Variants in SRPX observed in about 807,000 individuals in gnomAD.
SRPX encodes sushi repeat-containing protein SRPX.
In SRPX, 24 loss-of-function variants were observed where a neutral mutation model predicts 38.1. The ratio of observed to expected loss-of-function variants is 0.63; its 90% CI spans 0.46 to 0.89. The LOEUF (loss-of-function observed/expected upper bound fraction) is 0.89. SRPX is among the 40% of genes least tolerant of loss of function. SRPX has a pLI of 0.00. For synonymous variants in SRPX, 184 were observed against 153.8 expected (o/e 1.20, Z -1.45); for missense variants, 416 against 377.8 (o/e 1.10, Z -0.84).
intron 1 of SRPX, among the ~76,000 whole-genome samples, chrX:38,220,167 A>AG (rs1039848106): frequency 2.6e-5 from 3 of 113,330 alleles, no homozygotes; most frequent in Non-Finnish European, 5.6e-5. Flanking sequence ...AATCCCCAGC[A>AG]GGGGGGGTTA....
At chrX:38,154,979 A>C (rs761771674) in intron 8 of SRPX, among the ~76,000 whole-genome samples, 1 of 109,818 alleles carries the variant, frequency 9.1e-6, no homozygotes, top group Non-Finnish European at 1.9e-5. Flanking sequence ...CACTCTCCAC[A>C]CTCCCCTGCC....
chrX:38,196,893 G>A (rs189668892), intron 1 of SRPX, among the ~76,000 whole-genome samples: 99 of 111,784 alleles, frequency 8.9e-4, no homozygotes, highest in African/African-American at 3.1e-3. Flanking sequence ...AAGAGCTGGC[G>A]GGGTGTTACA....
At chrX:38,207,773 G>A (rs780249665) in intron 1 of SRPX, among the ~76,000 whole-genome samples, 1 of 112,111 alleles carries the variant, frequency 8.9e-6, no homozygotes, top group South Asian at 3.8e-4. Context: ...TGGCAAAGGA[G>A]ATGATTCCAC....
intron 1 of SRPX, among the ~76,000 whole-genome samples, chrX:38,211,967 A>G (rs949288904): frequency 3.6e-5 from 4 of 111,923 alleles, no homozygotes; most frequent in Non-Finnish European, 7.5e-5. Flanking sequence ...TATGAAGATA[A>G]GAAGTCCCTG....
In SRPX at chrX:38,179,510, C is replaced by T. The variant is rs143889186; in HGVS notation, c.98-1166G>A. Reference sequence around the variant, plus strand: ...ACTCGAGTTAGCTCTGTCTTGGTCACGCATTTAGTTGTAGTTACTTGCCAC... The same window carrying T: ...ACTCGAGTTAGCTCTGTCTTGGTCATGCATTTAGTTGTAGTTACTTGCCAC... On this transcript the variant is annotated intron_variant, in intron 1 of 9. Coordinates refer to ENST00000378533, the MANE Select transcript of SRPX (RefSeq NM_006307.5). Among the ~76,000 whole-genome samples the T allele has an allele frequency of 5.7e-3, 636 of 111,824 alleles. 5 individuals carry two copies. Among genetic ancestry groups the T allele is most frequent in the African/African-American group, 0.02 (605 of 30,729 alleles).
intron 5 of SRPX, 141 bp from the exon 6 acceptor site, chrX:38,161,195 G>T: frequency 3.1e-6 from 2 of 651,492 alleles, no homozygotes; most frequent in Non-Finnish European, 4.3e-6. Context: ...ATTTCTTGAA[G>T]AATAGAATCT....
chrX:38,157,080 T>C (rs1938148340), intron 7 of SRPX, 51 bp from the exon 8 acceptor site: 27 of 1,182,549 alleles, frequency 2.3e-5, no homozygotes, highest in Non-Finnish European at 3.1e-5. Context: ...TTGTTCTGGC[T>C]CAACAGAGCC....
chrX:38,166,204 A>C (rs1938361470), intron 4 of SRPX, among the ~76,000 whole-genome samples: 1 of 112,542 alleles, frequency 8.9e-6, no homozygotes, highest in Non-Finnish European at 1.9e-5. Context: ...GACTAAATGC[A>C]CCAAGTAAAA....
chrX:38,210,710 C>A (rs2147127949), intron 1 of SRPX, among the ~76,000 whole-genome samples: 1 of 112,476 alleles, frequency 8.9e-6, no homozygotes, highest in East Asian at 2.8e-4. Flanking sequence ...CAGGAGGCTA[C>A]CAAGCCTCAA....
At chrX:38,199,748 GAAA>G (rs146463626) in intron 1 of SRPX, among the ~76,000 whole-genome samples, 1 of 99,572 alleles carries the variant, frequency 1.0e-5, no homozygotes. Flanking sequence ...AGAGTGGCTG[GAAA>G]AAAAAAAAAA....
chrX:38,219,125 C>T (rs765708337), intron 1 of SRPX, among the ~76,000 whole-genome samples: 1 of 110,728 alleles, frequency 9.0e-6, no homozygotes, highest in African/African-American at 3.3e-5. Flanking sequence ...GATTCTGTGG[C>T]TGGGCCCTGG....
At position 38,160,204 on chromosome X, in the gene SRPX, G is replaced by A. The variant is rs765799076; in HGVS notation, c.776-8C>T. On this transcript the variant is annotated splice_region_variant and splice_polypyrimidine_tract_variant and intron_variant, in intron 6 of 9. Coordinates refer to ENST00000378533, the MANE Select transcript of SRPX (RefSeq NM_006307.5). ...GTTTGCCACAGCGTTTGACTGTAGG[G>A]ACACAAGTCCAGAGGGGTCTCAGTG... 1.3e-5 allele frequency: 16 copies of A among 1,208,028 alleles called. No individual in the cohort carries two copies. In the South Asian group the frequency reaches 2.0e-4, roughly 15 times the overall value.
In SRPX at chrX:38,173,568, GCCT is replaced by G. The variant is rs778898391; in HGVS notation, c.349+589_349+591del. On this transcript the variant is annotated intron_variant, in intron 3 of 9. Coordinates refer to ENST00000378533, the MANE Select transcript of SRPX (RefSeq NM_006307.5). ...GGGTTCTAGCAATTCTCCTGCCTCA[GCCT>G]CCTGAGTAGCTGGGATTACAGATGC... 1.8e-4 allele frequency among the ~76,000 whole-genome samples: 20 copies of G among 111,206 alleles called. No homozygotes were observed. The South Asian group carries it at 7.4e-3, about 41-fold the overall frequency.
intron 6 of SRPX, among the ~76,000 whole-genome samples, 159 bp downstream of exon 6, chrX:38,160,774 A>C (rs1938233827): frequency 8.9e-6 from 1 of 111,923 alleles, no homozygotes; most frequent in African/African-American, 3.2e-5. Context: ...AAATTCAGGC[A>C]TTAAGATAGG....
At position 38,158,073 on chromosome X, in the gene SRPX, C is replaced by T. The variant is rs752092842; in HGVS notation, c.956-1044G>A. On this transcript the variant is annotated intron_variant, in intron 7 of 9. Coordinates refer to ENST00000378533, the MANE Select transcript of SRPX (RefSeq NM_006307.5). Reference sequence around the variant, plus strand: ...TGTGAAAGGCATATGGGCCAAGCACCATAGTATCTGCTGGGGAAAGGGGTG... The same window carrying T: ...TGTGAAAGGCATATGGGCCAAGCACTATAGTATCTGCTGGGGAAAGGGGTG... 6.2e-4 allele frequency among the ~76,000 whole-genome samples: 69 copies of T among 112,138 alleles called. 1 individual carries two copies. The highest frequency in any genetic ancestry group is 1.1e-3 in the Non-Finnish European group (60 of 53,237).
chrX:38,203,505 C>G (rs1470885170), intron 1 of SRPX, among the ~76,000 whole-genome samples: 1 of 112,824 alleles, frequency 8.9e-6, no homozygotes, highest in Non-Finnish European at 1.9e-5. Flanking sequence ...CTGGCCAGGC[C>G]CGGTAGCTCA....
chrX:38,172,152 A>T (rs1938482949), intron 3 of SRPX, 95 bp from the exon 4 acceptor site: 1 of 987,206 alleles, frequency 1.0e-6, no homozygotes, highest in Non-Finnish European at 1.4e-6. Flanking sequence ...TGAGGTGAAA[A>T]GTTAATTTAA....
chrX:38,169,290 A>ATGTT (rs1938422575), intron 4 of SRPX, among the ~76,000 whole-genome samples: 1 of 112,037 alleles, frequency 8.9e-6, no homozygotes, highest in African/African-American at 3.2e-5. Context: ...AGCCCTACTG[A>ATGTT]TGTTTGCATC....
intron 1 of SRPX, among the ~76,000 whole-genome samples, chrX:38,201,743 C>T (rs984831630): frequency 2.8e-5 from 3 of 108,320 alleles, no homozygotes; most frequent in African/African-American, 1.0e-4. Flanking sequence ...GGTGTGAACC[C>T]AGGAGGCGGA....
Sources: allele counts gnomAD v4.1 joint callset (sites outside exome capture counted in the v4.1 genomes callset), GRCh38; gene constraint gnomAD v4.1.1; transcripts MANE v1.5; gene names NCBI Gene and HGNC (gene_info 2026-07-23, HGNC 2026-07-21).